EPM2A: variants seen among roughly 807,000 people sequenced by gnomAD.
EPM2A encodes laforin.
Under a neutral mutation model 26.5 loss-of-function variants are expected in EPM2A, and 21 were observed. That is an observed-to-expected ratio of 0.79 (90% CI 0.56 to 1.14). The LOEUF (loss-of-function observed/expected upper bound fraction) is 1.14, where lower values mean the gene tolerates loss of function less well. Ranked by LOEUF, EPM2A falls within the 50% of genes most tolerant of loss-of-function variation. EPM2A has a pLI of 0.00. For missense variants in EPM2A, 458 were observed against 440.8 expected (o/e 1.04, Z -0.35); for synonymous variants, 217 against 177.6 (o/e 1.22, Z -1.76).
chr6:145,384,206 G>A (rs1369576462), intron 4 of EPM2A: 1 of 152,054 alleles, frequency 6.6e-6, no homozygotes, highest in African/African-American at 2.4e-5. Context: ...AGTTAATAAG[G>A]GAAAATTGCA....
At chr6:145,706,906 T>C (rs1583093401) in intron 1 of EPM2A, among the ~76,000 whole-genome samples, 1 of 152,314 alleles carries the variant, frequency 6.6e-6, no homozygotes. Context: ...GTAGGGACTT[T>C]TGGAAAATGA....
intron 2 of EPM2A, chr6:145,682,370 G>A (rs1242254584): frequency 6.6e-6 from 1 of 152,078 alleles, no homozygotes; most frequent in Non-Finnish European, 1.5e-5. Context: ...ACGAGATTTG[G>A]GTCGGGACAC....
intron 4 of EPM2A, chr6:145,491,143 G>T: frequency 3.6e-6 from 2 of 553,950 alleles, no homozygotes; most frequent in Non-Finnish European, 7.0e-6. Context: ...CTCTAATGGA[G>T]CTGAGTTTTC....
At chr6:145,592,475 G>A (rs1781287733) in intron 2 of EPM2A, among the ~76,000 whole-genome samples, 1 of 152,102 alleles carries the variant, frequency 6.6e-6, no homozygotes, top group South Asian at 2.1e-4. Flanking sequence ...AAACATACTT[G>A]TGCATGTGTC....
At chr6:145,473,786 C>T (rs909926839) in intron 4 of EPM2A, among the ~76,000 whole-genome samples, 2 of 152,060 alleles carry the variant, frequency 1.3e-5, no homozygotes, top group Non-Finnish European at 2.9e-5. Flanking sequence ...AGGAAAAGAA[C>T]TTTTACCCTA....
intron 4 of EPM2A, among the ~76,000 whole-genome samples, chr6:145,396,538 T>G (rs9484984): frequency 6.6e-6 from 1 of 151,892 alleles, no homozygotes; most frequent in Middle Eastern, 3.4e-3. Flanking sequence ...CAGACAATAC[T>G]GTTGGAGACT....
chr6:145,422,423 C>A (rs1475410212), intron 4 of EPM2A, among the ~76,000 whole-genome samples: 1 of 150,124 alleles, frequency 6.7e-6, no homozygotes, highest in Admixed American at 6.6e-5. Flanking sequence ...TTATTCTTTT[C>A]TTTATCAAAG....
At chr6:145,612,344 G>A (rs1245673770) in intron 2 of EPM2A, among the ~76,000 whole-genome samples, 1 of 152,080 alleles carries the variant, frequency 6.6e-6, no homozygotes. Flanking sequence ...ACAAAGCAGA[G>A]AAAAGAGTAA....
intron 4 of EPM2A, among the ~76,000 whole-genome samples, chr6:145,422,659 A>G (rs796742424): frequency 2.0e-5 from 3 of 152,216 alleles, no homozygotes; most frequent in African/African-American, 7.2e-5. Context: ...GTTTTCAGCT[A>G]CTACCCCAAC....
At chr6:145,463,522 T>C (rs565579537) in intron 4 of EPM2A, 1 of 152,222 alleles carries the variant, frequency 6.6e-6, no homozygotes, top group Admixed American at 6.5e-5. Context: ...TTTTACCAAA[T>C]GTCATAATTC....
intron 1 of EPM2A, among the ~76,000 whole-genome samples, chr6:145,718,560 C>A (rs1185817665): frequency 6.6e-6 from 1 of 152,124 alleles, no homozygotes; most frequent in Non-Finnish European, 1.5e-5. Flanking sequence ...TAGGCATGGG[C>A]AAGGACTTCA....
intron 4 of EPM2A, among the ~76,000 whole-genome samples, chr6:145,427,456 C>A (rs1778867132): frequency 6.6e-6 from 1 of 151,820 alleles, no homozygotes; most frequent in South Asian, 2.1e-4. Context: ...GCAGAGTGAG[C>A]CTGAGGGATG....
chr6:145,612,578 C>T (rs367928236), intron 2 of EPM2A, among the ~76,000 whole-genome samples: 3 of 151,936 alleles, frequency 2.0e-5, no homozygotes, highest in African/African-American at 7.2e-5. Flanking sequence ...CTCAGAGATA[C>T]TGCAGATTTG....
At chr6:145,722,653 C>A in intron 1 of EPM2A, 1 of 384,034 alleles carries the variant, frequency 2.6e-6, no homozygotes, top group South Asian at 2.0e-5. Context: ...GAGCTGTGTC[C>A]CCCAAAATTC....
chr6:145,644,300 T>C (rs759361361), intron 2 of EPM2A, among the ~76,000 whole-genome samples: 1 of 152,218 alleles, frequency 6.6e-6, no homozygotes, highest in Non-Finnish European at 1.5e-5. Context: ...TTTTCGTGAA[T>C]TCCCAGTGAG....
intron 4 of EPM2A, among the ~76,000 whole-genome samples, chr6:145,430,059 G>C (rs558461516): frequency 3.9e-5 from 6 of 152,040 alleles, no homozygotes; most frequent in Non-Finnish European, 5.9e-5. Flanking sequence ...CAGCATGGTG[G>C]TGGGCGCCTG....
downstream of EPM2A, among the ~76,000 whole-genome samples, chr6:145,622,979 T>A (rs947544133): frequency 3.5e-4 from 53 of 152,232 alleles, no homozygotes; most frequent in African/African-American, 1.3e-3. Flanking sequence ...TCCTTTAGTT[T>A]CCTTATTTGT....
At chr6:145,642,017 T>C (rs758852872) in intron 2 of EPM2A, among the ~76,000 whole-genome samples, 3 of 152,064 alleles carry the variant, frequency 2.0e-5, no homozygotes, top group Non-Finnish European at 4.4e-5. Flanking sequence ...TCCAAGAGAG[T>C]TTGGCCTTCT....
intron 2 of EPM2A, among the ~76,000 whole-genome samples, chr6:145,660,460 T>C (rs1675819311): frequency 6.6e-6 from 1 of 152,198 alleles, no homozygotes; most frequent in Non-Finnish European, 1.5e-5. Context: ...AAGCCTTGTT[T>C]AACTTTTTAC....
Sources: gnomAD v4.1 joint callset for allele counts (sites outside exome capture counted in the v4.1 genomes callset) on GRCh38, gnomAD v4.1.1 for gene constraint, MANE v1.5 for transcripts, NCBI Gene and HGNC (gene_info 2026-07-23, HGNC 2026-07-21) for gene names.